The following CPEB1 variants were observed in gnomAD, a reference collection of about 807,000 sequenced individuals.
The protein encoded by CPEB1 is cytoplasmic polyadenylation element-binding protein 1.
In CPEB1, 7 loss-of-function variants were observed where a neutral mutation model predicts 65.8. The observed-to-expected ratio is 0.11, with a 90% CI of 0.06 to 0.20. The LOEUF is 0.20. CPEB1 is among the 10% of genes least tolerant of loss of function. The probability of loss-of-function intolerance (pLI) is 1.00; values close to 1 mark genes in which losing one functional copy is unlikely to be tolerated. For missense variants in CPEB1, 551 were observed against 712.2 expected, an observed-to-expected ratio of 0.77 and a Z score of 2.58; for synonymous variants, 262 against 260.0, an observed-to-expected ratio of 1.01 and a Z score of -0.08.
chr15:82,617,625 A>G (rs898776214), intron 3 of CPEB1, among the ~76,000 whole-genome samples: 2 of 152,120 alleles, frequency 1.3e-5, no homozygotes, highest in African/African-American at 4.8e-5. Flanking sequence ...ATAATAATGT[A>G]AGTTGTTAGC....
intron 3 of CPEB1, among the ~76,000 whole-genome samples, chr15:82,599,804 T>C (rs2042952061): frequency 6.6e-6 from 1 of 152,140 alleles, no homozygotes. Flanking sequence ...TGCTGTGATC[T>C]CTAAAATTTA....
chr15:82,565,876 C>G (rs373054369), intron 4 of CPEB1, among the ~76,000 whole-genome samples: 3 of 152,226 alleles, frequency 2.0e-5, no homozygotes, highest in African/African-American at 7.2e-5. Flanking sequence ...CTTCCTAGAA[C>G]AGACGTACCC....
chr15:82,549,371 T>G, intron 10 of CPEB1, 89 bp downstream of exon 10: 1 of 1,388,886 alleles, frequency 7.2e-7, no homozygotes, highest in South Asian at 1.2e-5. Context: ...GGGTCAGGCC[T>G]CTCTCCTCAC....
chr15:82,619,129 T>C (rs1028953209), intron 3 of CPEB1, among the ~76,000 whole-genome samples: 1 of 152,160 alleles, frequency 6.6e-6, no homozygotes, highest in Non-Finnish European at 1.5e-5. Context: ...GAAGAGAGTA[T>C]CCAGAAACGG....
chr15:82,606,796 C>T (rs71412260), intron 3 of CPEB1, among the ~76,000 whole-genome samples: 3 of 40,956 alleles, frequency 7.3e-5, no homozygotes, highest in Admixed American at 2.3e-4. Context: ...CCAGCCTGGG[C>T]GACAGAGCGA....
intron 1 of CPEB1, chr15:82,637,881 AATATTCACCC>A (rs1478439258): frequency 1.0e-5 from 4 of 398,316 alleles, no homozygotes; most frequent in African/African-American, 8.4e-5. Flanking sequence ...AGGTCATATG[AATATTCACCC>A]ATTAGAAATT....
chr15:82,615,531 A>G (rs1363652047), intron 3 of CPEB1, among the ~76,000 whole-genome samples: 1 of 152,260 alleles, frequency 6.6e-6, no homozygotes, highest in Non-Finnish European at 1.5e-5. Flanking sequence ...AGAATGGCAT[A>G]AAGGGAAAGA....
At chr15:82,645,556 C>A (rs1047776708) in intron 1 of CPEB1, among the ~76,000 whole-genome samples, 2 of 152,202 alleles carry the variant, frequency 1.3e-5, no homozygotes, top group African/African-American at 2.4e-5. Context: ...AAGTTTAAAT[C>A]GCCGTGACAA....
chr15:82,626,246 C>T (rs1485982851), intron 3 of CPEB1, among the ~76,000 whole-genome samples: 1 of 150,996 alleles, frequency 6.6e-6, no homozygotes, highest in Non-Finnish European at 1.5e-5. Context: ...CCATCCTGGC[C>T]AACATGGTGA....
rs760976160 is a variant in CPEB1 at position 82,571,393 on chromosome 15, G to A, written c.411C>T (p.Pro137=). ...AGGAATCTGAGTCCTGGGTGCTCCA[G>A]GGTCGGTCCCAGCCTGTCAGACTGA... The part of the protein sequence containing the change: ...QSLSLTGWDR[P]WSTQDSDSSA... Residue 137 remains proline (P), a synonymous_variant, in exon 4 of 13, where the codon CCC becomes CCT. Transcript: ENST00000684509. 53 of 1,614,056 alleles carry A rather than the reference G, an allele frequency of 3.3e-5. No individual in the cohort carries two copies. The highest frequency in any genetic ancestry group is 4.2e-5 in the Non-Finnish European group (50 of 1,180,040).
At chr15:82,627,879 A>C (rs2045906595) in intron 2 of CPEB1, among the ~76,000 whole-genome samples, 1 of 152,176 alleles carries the variant, frequency 6.6e-6, no homozygotes, top group Non-Finnish European at 1.5e-5. Context: ...AAAACACTTA[A>C]TGAGTGTTTA....
intron 3 of CPEB1, among the ~76,000 whole-genome samples, chr15:82,590,452 G>A (rs1440949856): frequency 6.6e-6 from 1 of 152,010 alleles, no homozygotes; most frequent in Non-Finnish European, 1.5e-5. Flanking sequence ...ACAAGATCAG[G>A]CACACTCAGG....
chr15:82,547,934 A>G lies in CPEB1; in HGVS notation c.1481-697T>C, dbSNP rs551994856. ...ACGATCTGCCCCACCTCGGCCTCCC[A>G]AAGTGCCAGGATTATAGGTATAAGC... On this transcript the variant is annotated intron_variant, in intron 10 of 12. Coordinates refer to ENST00000684509, the MANE Select transcript of CPEB1 (RefSeq NM_001365242.1). 2.3e-4 allele frequency among the ~76,000 whole-genome samples: 35 copies of G among 152,238 alleles called. 1 individual carries two copies. The East Asian group carries it at 6.6e-3, about 29-fold the overall frequency.
At chr15:82,582,305 G>A (rs2041354504) in intron 3 of CPEB1, among the ~76,000 whole-genome samples, 1 of 152,096 alleles carries the variant, frequency 6.6e-6, no homozygotes, top group African/African-American at 2.4e-5. Context: ...AGGCCCTTTA[G>A]CAAGGATAGA....
chr15:82,635,205 G>A (rs1156607308), intron 1 of CPEB1, among the ~76,000 whole-genome samples: 2 of 152,176 alleles, frequency 1.3e-5, no homozygotes, highest in Admixed American at 6.5e-5. Context: ...CTATAGCACG[G>A]ATACTCAGGA....
chr15:82,644,419 A>C (rs2047335338), intron 1 of CPEB1, among the ~76,000 whole-genome samples: 1 of 152,174 alleles, frequency 6.6e-6, no homozygotes, highest in Non-Finnish European at 1.5e-5. Flanking sequence ...TTGATTTCTA[A>C]AGCCTGTTTC....
intron 3 of CPEB1, among the ~76,000 whole-genome samples, chr15:82,594,493 T>G (rs1231214507): frequency 6.6e-6 from 1 of 152,222 alleles, no homozygotes; most frequent in Admixed American, 6.5e-5. Context: ...TCCTCTGGAT[T>G]AAGTTTTGGC....
chr15:82,577,275 T>G (rs1473287335), intron 3 of CPEB1, among the ~76,000 whole-genome samples: 3 of 152,156 alleles, frequency 2.0e-5, no homozygotes, highest in East Asian at 3.9e-4. Flanking sequence ...GCCAGGCTGG[T>G]CTCGAACTCC....
chr15:82,648,147 C>G (rs1471982764), upstream of CPEB1: 2 of 345,512 alleles, frequency 5.8e-6, no homozygotes, highest in East Asian at 4.3e-5. Context: ...CGGAACCCGG[C>G]GGGGACTGCC....
Sources: allele counts gnomAD v4.1 joint callset (sites outside exome capture counted in the v4.1 genomes callset), GRCh38; gene constraint gnomAD v4.1.1; transcripts MANE v1.5; gene names NCBI Gene and HGNC (gene_info 2026-07-23, HGNC 2026-07-21).